FER: variants seen among roughly 807,000 people sequenced by gnomAD.
FER encodes the protein FER tyrosine kinase.
In FER, 63 loss-of-function variants were observed where a neutral mutation model predicts 111.0. The observed-to-expected ratio is 0.57, with a 90% confidence interval of 0.46 to 0.70. FER has a LOEUF of 0.70. Among genes scored for constraint, FER ranks in the 30% least tolerant of loss-of-function variants. The pLI is 0.00. For missense variants in FER, 914 were observed against 954.0 expected (o/e 0.96, Z 0.55); for synonymous variants, 327 against 313.9 (o/e 1.04, Z -0.44).
chr5:108,901,265 A>G (rs925521179), intron 10 of FER, among the ~76,000 whole-genome samples: 4 of 152,010 alleles, frequency 2.6e-5, no homozygotes, highest in African/African-American at 9.7e-5. Context: ...CAACTATGCT[A>G]ATGAGGAAAG....
At chr5:109,168,494 T>TA (rs1257813821) in intron 17 of FER, among the ~76,000 whole-genome samples, 1 of 152,054 alleles carries the variant, frequency 6.6e-6, no homozygotes, top group Non-Finnish European at 1.5e-5. Flanking sequence ...GAAGCCTCCA[T>TA]AAAAACCCAA....
At chr5:108,859,497 G>C (rs6875304) in intron 5 of FER, among the ~76,000 whole-genome samples, 147,509 of 152,256 alleles carry the variant, frequency 0.97, 71,902 homozygotes, top group Middle Eastern at 1. Context: ...TGGACTTTCT[G>C]TGCCTGTTAT....
At chr5:108,830,504 A>G (rs1326135825) in intron 3 of FER, 2 of 152,214 alleles carry the variant, frequency 1.3e-5, no homozygotes, top group South Asian at 2.1e-4. Context: ...AGGAAAGCCA[A>G]TGTAGTGTTT....
chr5:108,927,250 C>CTTTTTTTTTTTTTTTTTTTTTTTTTTT (rs773963733), intron 10 of FER, among the ~76,000 whole-genome samples: 2 of 95,356 alleles, frequency 2.1e-5, no homozygotes, highest in African/African-American at 7.4e-5. Flanking sequence ...TGAGAAGTGG[C>CTTTTTTTTTTTTTTTTTTTTTTTTTTT]TCTTTTTTTT....
chr5:109,044,890 ATAG>A, intron 15 of FER, 95 bp downstream of exon 15: 2 of 670,428 alleles, frequency 3.0e-6, no homozygotes, highest in Admixed American at 3.7e-5. Context: ...ATTTACTGAA[ATAG>A]TAGGGGTAAG....
chr5:108,913,025 C>T (rs1344801158), intron 10 of FER, among the ~76,000 whole-genome samples: 1 of 152,050 alleles, frequency 6.6e-6, no homozygotes, highest in Non-Finnish European at 1.5e-5. Flanking sequence ...GGGGGTTGAG[C>T]TGGAAAGAAA....
intron 17 of FER, among the ~76,000 whole-genome samples, chr5:109,135,823 C>G (rs1752834073): frequency 6.6e-6 from 1 of 152,152 alleles, no homozygotes; most frequent in Non-Finnish European, 1.5e-5. Context: ...ATTTCTGCTA[C>G]TATAAGGTGA....
At chr5:109,028,172 A>G (rs190176278) in intron 13 of FER, among the ~76,000 whole-genome samples, 1 of 152,344 alleles carries the variant, frequency 6.6e-6, no homozygotes, top group Admixed American at 6.5e-5. Context: ...TCTGCCAGTT[A>G]TATTGACATA....
chr5:108,956,190 T>C (rs1758405021), intron 12 of FER, among the ~76,000 whole-genome samples: 2 of 151,714 alleles, frequency 1.3e-5, no homozygotes, highest in Admixed American at 6.6e-5. Flanking sequence ...TGGCAAACTC[T>C]TTTGTAATTT....
intron 17 of FER, among the ~76,000 whole-genome samples, chr5:109,104,386 A>C (rs1748625248): frequency 1.3e-5 from 2 of 152,222 alleles, no homozygotes; most frequent in Admixed American, 1.3e-4. Context: ...TAATGCAAAG[A>C]GATAGTCAAT....
intron 3 of FER, among the ~76,000 whole-genome samples, chr5:108,803,185 T>C (rs2150057434): frequency 6.6e-6 from 1 of 152,098 alleles, no homozygotes; most frequent in Admixed American, 6.5e-5. Context: ...CACTTTTTAA[T>C]GTTTTTTTTT....
chr5:109,151,481 C>T (rs1278262353), intron 17 of FER, among the ~76,000 whole-genome samples: 3 of 152,038 alleles, frequency 2.0e-5, no homozygotes, highest in Non-Finnish European at 2.9e-5. Context: ...AGTTAGATAA[C>T]GTGACCAGGG....
chr5:109,067,258 TTGTTGC>T lies in FER; in HGVS notation c.1924+20069_1924+20074del, dbSNP rs570570001. Among the ~76,000 whole-genome samples the T allele has an allele frequency of 4.0e-3, 585 of 147,754 alleles. 7 individuals carry two copies. The East Asian group carries it at 0.052, about 13-fold the overall frequency. ...GTTGTTGTTGTTGTTGTTGTTGTTG[TTGTTGC>T]TGTTGCTGCTGCTGCTGCTGTTTTT... On this transcript the variant is annotated intron_variant, in intron 16 of 19. Transcript: ENST00000281092.
intron 2 of FER, among the ~76,000 whole-genome samples, chr5:108,779,664 A>G (rs10041659): frequency 1.1e-4 from 16 of 152,186 alleles, no homozygotes; most frequent in African/African-American, 3.4e-4. Context: ...CTGTAATTGC[A>G]TATTAGTTCA....
intron 17 of FER, among the ~76,000 whole-genome samples, chr5:109,137,710 G>A (rs776315422): frequency 7.9e-5 from 12 of 152,196 alleles, no homozygotes; most frequent in Non-Finnish European, 1.6e-4. Context: ...GTAAGAGACT[G>A]AATCTGGCAA....
In FER at chr5:109,100,377, C is replaced by A; in HGVS notation, c.1925-19C>A. 6.2e-7 allele frequency: 1 copy of A among 1,607,688 alleles called. No homozygotes were observed. The highest frequency in any genetic ancestry group is 1.1e-5 in the South Asian group (1 of 90,566). The stretch of plus-strand genomic sequence containing the variant: ...TTCATCATAACTTTGTCTCATTGTT[C>A]ATCTATCAATTCCTCTAGGAGGTGA... On this transcript the variant is annotated intron_variant, in intron 16 of 19. Transcript: ENST00000281092.
chr5:108,840,676 G>C (rs1761168628), intron 5 of FER, among the ~76,000 whole-genome samples: 2 of 152,066 alleles, frequency 1.3e-5, no homozygotes, highest in Admixed American at 6.6e-5. Flanking sequence ...GGCTTGATTA[G>C]ATTCAGGTCA....
intron 17 of FER, among the ~76,000 whole-genome samples, chr5:109,147,798 TATAGAGAGAGAGAGAGAG>T (rs1754399688): frequency 8.6e-6 from 1 of 116,636 alleles, no homozygotes; most frequent in South Asian, 2.8e-4. Context: ...TATATATATA[TATAGAGAGAGAGAGAGAG>T]AGAGAGAGAG....
intron 13 of FER, among the ~76,000 whole-genome samples, chr5:108,984,824 C>T (rs1227259188): frequency 6.6e-6 from 1 of 151,996 alleles, no homozygotes; most frequent in Non-Finnish European, 1.5e-5. Flanking sequence ...ACAGTTTAGA[C>T]ATTGCTTTTC....
Sources: allele counts gnomAD v4.1 joint callset (sites outside exome capture counted in the v4.1 genomes callset), GRCh38; gene constraint gnomAD v4.1.1; transcripts MANE v1.5; gene names NCBI Gene and HGNC (gene_info 2026-07-23, HGNC 2026-07-21).